KCNQ5: variants seen among roughly 807,000 people sequenced by gnomAD.
KCNQ5 encodes the protein potassium voltage-gated channel subfamily KQT member 5.
KCNQ5 carries 30 observed loss-of-function variants against 98.2 expected under a neutral mutation model. That is an observed-to-expected ratio of 0.31 (90% CI 0.23 to 0.41). The LOEUF is 0.41. Among genes scored for constraint, KCNQ5 ranks in the 10% least tolerant of loss-of-function variants. The pLI, the probability that KCNQ5 is intolerant of heterozygous loss-of-function variation, is 1.00. For synonymous variants in KCNQ5, 458 were observed against 449.4 expected (o/e 1.02, Z -0.24); for missense variants, 835 against 1,182.5 (o/e 0.71, Z 4.31).
In KCNQ5 at chr6:72,622,124, C is replaced by G. The variant is rs1040849176; in HGVS notation, c.-66C>G. 2.5e-6 allele frequency: 3 copies of G among 1,196,628 alleles called. No individual in the cohort carries two copies. The allele number at this position is 1,196,628 out of a possible 1,614,324, so 74.1% of individuals were successfully genotyped here. A position where few individuals can be genotyped will look rare whatever the true frequency, so the allele number is the denominator to read the frequency against. The stretch of plus-strand genomic sequence containing the variant: ...CGGCTTCCTCCTTGAAACCCGCCGG[C>G]GCACATGAGGCCGCTGCCCCCGCCG... On this transcript the variant is annotated 5_prime_UTR_variant, in exon 1 of 14. Transcript: ENST00000370398. This position sits in a 1 kb window ranked among gnomAD's most constrained non-coding sequence, Gnocchi z 6.0.
At chr6:72,787,200 A>T (rs1262431430) in intron 1 of KCNQ5, among the ~76,000 whole-genome samples, 2 of 152,172 alleles carry the variant, frequency 1.3e-5, no homozygotes, top group South Asian at 2.1e-4. Context: ...AAATGAAAGA[A>T]GTCAAAAGAA....
chr6:73,055,041 C>T (rs1406266324), intron 3 of KCNQ5: 1 of 572,638 alleles, frequency 1.7e-6, no homozygotes, highest in East Asian at 3.4e-5. Context: ...CCCTGTGCAC[C>T]AACAACATCC....
intron 2 of KCNQ5, among the ~76,000 whole-genome samples, chr6:73,024,053 C>G (rs912729524): frequency 6.6e-6 from 1 of 152,174 alleles, no homozygotes; most frequent in African/African-American, 2.4e-5. Context: ...TGTCAATTCT[C>G]TTTCCAATAA....
rs113477500 is a variant in KCNQ5, at chr6:73,124,345, G to A, written c.1221-141G>A. ...GCAAGTTGAGTACATTTATTATAAA[G>A]AACACTGCTTTTGTGGATCTTGCAT... On this transcript the variant is annotated intron_variant, in intron 8 of 13. Transcript: ENST00000370398. 8.4e-4 allele frequency: 615 copies of A among 731,546 alleles called. 9 individuals carry two copies. The highest frequency in any genetic ancestry group is 7.8e-3 in the African/African-American group (440 of 56,108). 45.3% of individuals were successfully genotyped at this position (731,546 alleles called of 1,614,324 possible). A position where few individuals can be genotyped will look rare whatever the true frequency, so the allele number is the denominator to read the frequency against.
chr6:72,998,693 C>T (rs1451202844), intron 1 of KCNQ5, among the ~76,000 whole-genome samples: 1 of 151,396 alleles, frequency 6.6e-6, no homozygotes, highest in Non-Finnish European at 1.5e-5. Flanking sequence ...GTCAAGATCA[C>T]GCCACTGCAC....
At chr6:72,892,905 A>G (rs1210372113) in intron 1 of KCNQ5, among the ~76,000 whole-genome samples, 1 of 152,174 alleles carries the variant, frequency 6.6e-6, no homozygotes, top group African/African-American at 2.4e-5. Context: ...TATCAGTCAT[A>G]TAAGCTCTTA....
At chr6:73,166,444 A>T (rs372061758) in intron 10 of KCNQ5, among the ~76,000 whole-genome samples, 9 of 152,040 alleles carry the variant, frequency 5.9e-5, no homozygotes, top group African/African-American at 1.9e-4. Context: ...TCAAAATAAA[A>T]AAAAAAAACC....
chr6:72,632,845 A>G (rs1044437387), intron 1 of KCNQ5, among the ~76,000 whole-genome samples: 4 of 151,830 alleles, frequency 2.6e-5, no homozygotes, highest in Non-Finnish European at 5.9e-5. Flanking sequence ...ATGGGCACCT[A>G]GGTTGATTCC....
chr6:72,648,581 T>G (rs1276847720), intron 1 of KCNQ5, among the ~76,000 whole-genome samples: 3 of 152,020 alleles, frequency 2.0e-5, no homozygotes, highest in African/African-American at 7.2e-5. Context: ...ATACATATGT[T>G]GTATAGATTT....
chr6:72,916,695 T>A (rs1780157064), intron 1 of KCNQ5, among the ~76,000 whole-genome samples: 1 of 152,214 alleles, frequency 6.6e-6, no homozygotes, highest in South Asian at 2.1e-4. Context: ...CATATCTCAT[T>A]GTTAAGTAAA....
chr6:72,705,181 A>G (rs985629726), intron 1 of KCNQ5, among the ~76,000 whole-genome samples: 1 of 152,168 alleles, frequency 6.6e-6, no homozygotes, highest in African/African-American at 2.4e-5. Flanking sequence ...TACTTCCACC[A>G]TGGGGCGTAC....
intron 2 of KCNQ5, among the ~76,000 whole-genome samples, chr6:73,030,427 C>T (rs1379649318): frequency 6.6e-6 from 1 of 152,100 alleles, no homozygotes; most frequent in Non-Finnish European, 1.5e-5. Context: ...ATGCAATGTG[C>T]ACAGAAAGAT....
chr6:73,001,346 T>C (rs965554098), intron 1 of KCNQ5, among the ~76,000 whole-genome samples: 17 of 152,216 alleles, frequency 1.1e-4, no homozygotes, highest in African/African-American at 3.6e-4. Context: ...ATTTTTGGCA[T>C]AGGAATTATT....
In KCNQ5 at chr6:72,990,723, C is replaced by A. The variant is rs1444990834; in HGVS notation, c.399-13185C>A. On this transcript the variant is annotated intron_variant, in intron 1 of 13. Transcript: ENST00000370398. ...AATAGGAGCGGTGAGAGAGGGCATC[C>A]CTGTCTTGTGCCAGTTTTCAAAGGG... 1.0e-3 allele frequency among the ~76,000 whole-genome samples: 52 copies of A among 50,918 alleles called. 1 individual carries two copies. The East Asian group carries it at 0.011, about 10-fold the overall frequency. The allele number at this position is 50,918 out of a possible 152,430, so 33.4% of individuals were successfully genotyped here.
Position 72,726,874 on chromosome 6 carries a change from C to G in KCNQ5, c.398+104287C>G, listed in dbSNP as rs1770309778. 2.0e-5 allele frequency among the ~76,000 whole-genome samples: 3 copies of G among 152,162 alleles called. No homozygotes were observed. In the South Asian group the frequency reaches 6.2e-4, roughly 31 times the overall value. On this transcript the variant is annotated intron_variant, in intron 1 of 13. Transcript: ENST00000370398. ...AAATTGTTTTAGAGATGGGGTCTCA[C>G]TGTGTCACCCAGGTTGCAGCGCAGT...
In KCNQ5 at chr6:73,194,914, C is replaced by T. The variant is rs756255204; in HGVS notation, c.2299C>T (p.His767Tyr). ...GCATCTGCCCAGGCCAGAAACTCTG[C>T]ACCCTAACCCTGCAGGCTTACAGGA... ...IKHLPRPETL[H>Y]PNPAGLQESI... is the part of the protein sequence containing the mutation. The change falls in exon 14 of 14, where the codon CAC (histidine) becomes TAC (tyrosine). Residue 767 changes from histidine to tyrosine, a missense_variant. By Grantham distance (83) the His-to-Tyr change is moderately conservative. This residue lies in a region of KCNQ5 where 416 missense variants were observed against 446.9 expected (regional missense o/e 0.93). Coordinates refer to ENST00000370398, the MANE Select transcript of KCNQ5 (RefSeq NM_019842.4). 1.2e-5 allele frequency: 20 copies of T among 1,614,096 alleles called. No individual in the cohort carries two copies. Among genetic ancestry groups the T allele is most frequent in the Non-Finnish European group, 1.7e-5 (20 of 1,180,046 alleles).
rs565945760 is a variant in KCNQ5 at position 72,630,253 on chromosome 6, A to G, written c.398+7666A>G. ...TAGAGCTTATCTCTTAATTTGAAAG[A>G]TAATTAAATTTTTACATGATGAAGA... On this transcript the variant is annotated intron_variant, in intron 1 of 13. Coordinates refer to ENST00000370398, the MANE Select transcript of KCNQ5 (RefSeq NM_019842.4). Among the ~76,000 whole-genome samples the G allele has an allele frequency of 6.2e-4, 95 of 152,308 alleles. 1 individual carries two copies. Among genetic ancestry groups the G allele is most frequent in the African/African-American group, 2.2e-3 (92 of 41,566 alleles).
chr6:72,954,679 T>A (rs1766961231), intron 1 of KCNQ5, among the ~76,000 whole-genome samples: 1 of 152,264 alleles, frequency 6.6e-6, no homozygotes, highest in South Asian at 2.1e-4. Context: ...GGAATTTAAG[T>A]TGAAAGCATG....
At chr6:73,132,091 G>C (rs569419867) in intron 9 of KCNQ5, among the ~76,000 whole-genome samples, 3 of 152,326 alleles carry the variant, frequency 2.0e-5, no homozygotes, top group East Asian at 1.9e-4. Flanking sequence ...ACTGTTTCTT[G>C]TTAGCTACAA....
Sources: allele counts gnomAD v4.1 joint callset (sites outside exome capture counted in the v4.1 genomes callset), GRCh38; gene constraint gnomAD v4.1.1; regional missense constraint gnomAD v4.1.1; non-coding constraint Gnocchi (gnomAD v3.1); transcripts MANE v1.5; gene names NCBI Gene and HGNC (gene_info 2026-07-23, HGNC 2026-07-21).